Variants in TTI1 observed in about 807,000 individuals in gnomAD.
TTI1 encodes TELO2-interacting protein 1 homolog.
Under a neutral mutation model 85.4 loss-of-function variants are expected in TTI1, and 52 were observed. That is an observed-to-expected ratio of 0.61 (90% CI 0.49 to 0.77). The LOEUF (loss-of-function observed/expected upper bound fraction) is 0.77. TTI1 is among the 30% of genes least tolerant of loss of function. The pLI, the probability that TTI1 is intolerant of heterozygous loss-of-function variation, is 0.00. For missense variants in TTI1, 1,173 were observed against 1,296.0 expected, an observed-to-expected ratio of 0.91 and a Z score of 1.46; for synonymous variants, 512 against 503.9, an observed-to-expected ratio of 1.02 and a Z score of -0.22.
intron 6 of TTI1, 70 bp from the exon 7 acceptor site, chr20:37,996,532 G>A: frequency 6.4e-7 from 1 of 1,566,282 alleles, no homozygotes; most frequent in Non-Finnish European, 8.7e-7. Flanking sequence ...GACCAACTGT[G>A]TCTGGAGAAA....
chr20:38,016,313 G>T (rs1057176290), intron 1 of TTI1, among the ~76,000 whole-genome samples: 3 of 152,176 alleles, frequency 2.0e-5, no homozygotes, highest in Non-Finnish European at 4.4e-5. Context: ...TGGAAGCCTG[G>T]TATACAAAAT....
chr20:37,999,297 A>ACAAC lies in TTI1; in HGVS notation c.2680_2683dup (p.Val895GlyfsTer35). 6.7e-7 allele frequency: 1 copy of ACAAC among 1,490,790 alleles called. No homozygotes were observed. The highest frequency in any genetic ancestry group is 9.0e-7 in the Non-Finnish European group (1 of 1,115,152). 92.3% of individuals were successfully genotyped at this position (1,490,790 alleles called of 1,614,324 possible). ...CAGCTGGTTTTTGTGGGACTGAAGA[A>ACAAC]CAACCACACACAGATCCAGCACATC... On this transcript the variant is annotated frameshift_variant, in exon 5 of 8. Transcript: ENST00000373447. LOFTEE classifies it high-confidence loss of function.
intron 2 of TTI1, among the ~76,000 whole-genome samples, chr20:38,010,467 CTT>C (rs764386880): frequency 2.9e-5 from 3 of 104,416 alleles, no homozygotes; most frequent in Non-Finnish European, 3.8e-5. Context: ...TTTGCCATTC[CTT>C]TTTTTTTTTT....
intron 7 of TTI1, among the ~76,000 whole-genome samples, chr20:37,984,207 G>A (rs530317132): frequency 2.0e-5 from 3 of 152,340 alleles, no homozygotes; most frequent in South Asian, 2.1e-4. Flanking sequence ...TGAGGAGCCC[G>A]TTTCCCCACA....
chr20:38,025,020 G>A (rs528897366), intron 1 of TTI1, among the ~76,000 whole-genome samples: 4 of 152,270 alleles, frequency 2.6e-5, no homozygotes, highest in African/African-American at 9.6e-5. Context: ...CAGTAGTGGG[G>A]AGACCTTTTT....
rs1347505198 is a variant in TTI1 at position 38,012,830 on chromosome 20, A to G, written c.987T>C (p.Ala329=). 3 of 1,614,114 alleles carry G rather than the reference A, an allele frequency of 1.9e-6. No individual in the cohort carries two copies. Among genetic ancestry groups the G allele is most frequent in the East Asian group, 2.2e-5 (1 of 44,904 alleles). The change falls in exon 2 of 8, where the codon GCT becomes GCC. Residue 329 remains alanine, a synonymous_variant. Transcript: ENST00000373447. ...CCACTAAGGCCTTCAGAAGGGGACC[A>G]GCACATTCGACCAATGATTGACTGC... ...LKCSQSLVEC[A]GPLLKALVGL... is the part of the protein sequence containing the mutation.
chr20:38,023,747 C>G (rs1326110801), intron 1 of TTI1, among the ~76,000 whole-genome samples: 1 of 152,204 alleles, frequency 6.6e-6, no homozygotes, highest in Non-Finnish European at 1.5e-5. Context: ...AACCCTTCAG[C>G]ATATTCTGAA....
chr20:37,999,987 G>A lies in TTI1; in HGVS notation c.2653-659C>T, dbSNP rs866031434. On this transcript the variant is annotated intron_variant, in intron 4 of 7. Coordinates refer to ENST00000373447, the MANE Select transcript of TTI1 (RefSeq NM_001303457.2). ...TGGCTGCTGAGTGGAGAAGAGACTT[G>A]AAGGGTGACAGAGAAACAAAGAGGC... 1.1e-4 allele frequency among the ~76,000 whole-genome samples: 16 copies of A among 152,356 alleles called. 1 individual carries two copies. Among genetic ancestry groups the A allele is most frequent in the Middle Eastern group, 3.4e-3 (1 of 294 alleles).
intron 7 of TTI1, among the ~76,000 whole-genome samples, chr20:37,985,948 G>A (rs889421125): frequency 1.3e-5 from 2 of 152,068 alleles, no homozygotes; most frequent in Non-Finnish European, 2.9e-5. Context: ...CTAATTCATC[G>A]TTTCCACTTC....
In TTI1 at chr20:38,029,562, G is replaced by A. The variant is rs138186114; in HGVS notation, c.-42+3842C>T. On this transcript the variant is annotated intron_variant, in intron 1 of 7. Coordinates refer to ENST00000373447, the MANE Select transcript of TTI1 (RefSeq NM_001303457.2). ...TCTAGCAAGATTGACAAGGGAGTGA[G>A]TGAGCAAGAGAGAGAGAGAGAGAGA... Among the ~76,000 whole-genome samples the A allele has an allele frequency of 7.4e-3, 1,052 of 143,092 alleles. 5 individuals are homozygous for A. Among genetic ancestry groups the A allele is most frequent in the African/African-American group, 0.024 (835 of 34,486 alleles). The allele number at this position is 143,092 out of a possible 152,430, so 93.9% of individuals were successfully genotyped here. A position where few individuals can be genotyped will look rare whatever the true frequency, so the allele number is the denominator to read the frequency against.
At chr20:38,017,087 A>G (rs2073693167) in intron 1 of TTI1, among the ~76,000 whole-genome samples, 1 of 152,128 alleles carries the variant, frequency 6.6e-6, no homozygotes, top group South Asian at 2.1e-4. Flanking sequence ...CTATGACAGT[A>G]TTTGGCATGC....
chr20:38,004,410 G>A (rs1402899772), intron 3 of TTI1, among the ~76,000 whole-genome samples: 1 of 152,216 alleles, frequency 6.6e-6, no homozygotes, highest in African/African-American at 2.4e-5. Context: ...GACTCTTACA[G>A]TAGAGGCTGC....
chr20:38,001,034 G>A (rs1229919671), intron 4 of TTI1, among the ~76,000 whole-genome samples: 3 of 152,146 alleles, frequency 2.0e-5, no homozygotes, highest in Non-Finnish European at 4.4e-5. Flanking sequence ...CAAATAGAAC[G>A]TGCTATTACC....
intron 7 of TTI1, among the ~76,000 whole-genome samples, chr20:37,986,257 C>T (rs544700002): frequency 2.0e-5 from 3 of 152,292 alleles, no homozygotes; most frequent in East Asian, 1.9e-4. Context: ...AGCGGTGCCA[C>T]GACCCAGTTC....
chr20:38,017,243 G>C (rs73905524), intron 1 of TTI1, among the ~76,000 whole-genome samples: 1 of 152,140 alleles, frequency 6.6e-6, no homozygotes, highest in Non-Finnish European at 1.5e-5. Flanking sequence ...TTCCAAGTAG[G>C]ATATAGTATG....
At position 37,995,070 on chromosome 20, in the gene TTI1, G is replaced by A. The variant is rs146867472; in HGVS notation, c.3086+1305C>T. On this transcript the variant is annotated intron_variant, in intron 7 of 7. Transcript: ENST00000373447. ...ATTATGTTCTTGAGTTGCACTTTAA[G>A]TCACAGCACAATCAGCTCCAGGGGC... Among the ~76,000 whole-genome samples, 1,216 of 152,268 alleles carry A rather than the reference G, an allele frequency of 8.0e-3. 6 individuals are homozygous for A. The highest frequency in any genetic ancestry group is 0.023 in the African/African-American group (950 of 41,534).
chr20:37,996,272 T>C, intron 7 of TTI1, 103 bp downstream of exon 7: 2 of 1,186,160 alleles, frequency 1.7e-6, no homozygotes, highest in Non-Finnish European at 2.5e-6. Flanking sequence ...CCTGGCAGGG[T>C]GACAGAGAAA....
At chr20:37,995,588 T>C (rs1458945027) in intron 7 of TTI1, among the ~76,000 whole-genome samples, 1 of 152,194 alleles carries the variant, frequency 6.6e-6, no homozygotes, top group Non-Finnish European at 1.5e-5. Context: ...GGATGGCAGT[T>C]CCAGGATGCA....
At chr20:38,018,781 A>AT (rs879417270) in intron 1 of TTI1, among the ~76,000 whole-genome samples, 628 of 145,430 alleles carry the variant, frequency 4.3e-3, no homozygotes, top group African/African-American at 0.011. Context: ...CCCAACTTTG[A>AT]TTTTTTTTTT....
Sources: allele counts gnomAD v4.1 joint callset (sites outside exome capture counted in the v4.1 genomes callset), GRCh38; gene constraint gnomAD v4.1.1; transcripts MANE v1.5; gene names NCBI Gene and HGNC (gene_info 2026-07-23, HGNC 2026-07-21).